Variants in PAG1 observed in about 807,000 individuals in gnomAD.
The protein encoded by PAG1 is phosphoprotein membrane anchor with glycosphingolipid microdomains 1.
PAG1 carries 23 observed loss-of-function variants against 31.7 expected under a neutral mutation model. That is an observed-to-expected ratio of 0.73 (90% CI 0.52 to 1.03). PAG1 has a LOEUF of 1.03. PAG1 is among the 50% of genes least tolerant of loss of function. The pLI is 0.00. For missense variants in PAG1, 473 were observed against 540.7 expected (o/e 0.87, Z 1.24); for synonymous variants, 214 against 210.3 (o/e 1.02, Z -0.15).
chr8:80,999,562 G>A (rs894463110), intron 3 of PAG1, among the ~76,000 whole-genome samples: 24 of 152,216 alleles, frequency 1.6e-4, no homozygotes, highest in Non-Finnish European at 1.3e-4. Context: ...GAGAGAGACC[G>A]GCACTCATCC....
intron 5 of PAG1, 116 bp downstream of exon 5, chr8:80,991,363 T>G (rs1321840298): frequency 1.3e-6 from 1 of 786,010 alleles, no homozygotes; most frequent in African/African-American, 1.7e-5. Context: ...TAACTTAGGC[T>G]TAGCTCTCCC....
At chr8:81,075,921 C>T (rs887764460) in intron 1 of PAG1, among the ~76,000 whole-genome samples, 1 of 152,116 alleles carries the variant, frequency 6.6e-6, no homozygotes, top group Non-Finnish European at 1.5e-5. Flanking sequence ...ATACAGAGAC[C>T]CTTGCTTAGA....
At position 80,985,018 on chromosome 8, in the gene PAG1, C is replaced by T. The variant is rs1176293608; in HGVS notation, c.634G>A (p.Glu212Lys). The T allele has an allele frequency of 6.2e-7, 1 of 1,614,176 alleles. No individual in the cohort carries two copies. The highest frequency in any genetic ancestry group is 1.7e-5 in the Admixed American group (1 of 60,018). Residue 212 changes from glutamate to lysine, a missense_variant, in exon 7 of 9, where the codon GAG (glutamate) becomes AAG (lysine). Physicochemically the swap from Glu to Lys is moderately conservative, Grantham distance 56. Coordinates refer to ENST00000220597, the MANE Select transcript of PAG1 (RefSeq NM_018440.4). ...GKAKSTSASK[E>K]LPGPQTEGKA... ...CCTTCAGTCTGGGGCCCTGGGAGCTCTTTCGAGGCAGAAGTAGATTTTGCC... is the reference window on the plus strand; with the variant it reads ...CCTTCAGTCTGGGGCCCTGGGAGCTTTTTCGAGGCAGAAGTAGATTTTGCC...
At chr8:81,035,026 C>A (rs1220939289) in intron 2 of PAG1, among the ~76,000 whole-genome samples, 1 of 152,054 alleles carries the variant, frequency 6.6e-6, no homozygotes, top group Non-Finnish European at 1.5e-5. Context: ...AGGAAATAAC[C>A]CTTATTTGGG....
At chr8:80,977,803 T>G (rs998675279) in intron 8 of PAG1, among the ~76,000 whole-genome samples, 2 of 152,232 alleles carry the variant, frequency 1.3e-5, no homozygotes, top group African/African-American at 4.8e-5. Flanking sequence ...ATTGTGAAGA[T>G]TAAATATACT....
intron 3 of PAG1, among the ~76,000 whole-genome samples, chr8:80,993,723 C>T (rs906320235): frequency 6.6e-6 from 1 of 151,992 alleles, no homozygotes; most frequent in Non-Finnish European, 1.5e-5. Context: ...GAACCACCCC[C>T]CTGCCCCCCA....
chr8:81,044,469 A>T (rs1201702457), intron 2 of PAG1, among the ~76,000 whole-genome samples: 2 of 152,334 alleles, frequency 1.3e-5, no homozygotes, highest in African/African-American at 4.8e-5. Flanking sequence ...AGGCTACCAG[A>T]TGCAGGAAGA....
chr8:80,986,029 T>C (rs914403111), intron 6 of PAG1, among the ~76,000 whole-genome samples: 2 of 152,184 alleles, frequency 1.3e-5, no homozygotes, highest in African/African-American at 2.4e-5. Context: ...AGTCGTCCCT[T>C]TGTCAACCGT....
chr8:81,020,202 C>G (rs867228930), intron 3 of PAG1, among the ~76,000 whole-genome samples: 1 of 152,134 alleles, frequency 6.6e-6, no homozygotes, highest in Middle Eastern at 3.2e-3. Context: ...TTTGCCTTGT[C>G]TCAGATGATA....
intron 1 of PAG1, among the ~76,000 whole-genome samples, chr8:81,074,599 C>A (rs1387158343): frequency 6.6e-6 from 1 of 152,118 alleles, no homozygotes; most frequent in East Asian, 1.9e-4. Context: ...GGTCCCAGAC[C>A]AGCAGTTTCT....
intron 1 of PAG1, among the ~76,000 whole-genome samples, chr8:81,105,124 C>T (rs77955213): frequency 0.011 from 1,722 of 152,246 alleles, 36 homozygotes; most frequent in African/African-American, 0.039. Context: ...CAGACTCCAT[C>T]AAGCCCGGCT....
At chr8:81,106,369 T>A (rs745343082) in intron 1 of PAG1, among the ~76,000 whole-genome samples, 10 of 146,666 alleles carry the variant, frequency 6.8e-5, no homozygotes, top group Non-Finnish European at 1.1e-4. Context: ...TAAAACTACT[T>A]CTTCTTCCGT....
intron 2 of PAG1, among the ~76,000 whole-genome samples, chr8:81,042,551 C>T (rs11997169): frequency 0.82 from 123,989 of 152,016 alleles, 51,131 homozygotes; most frequent in Non-Finnish European, 0.87. Flanking sequence ...CTGATTTGGA[C>T]GTCATTTTCT....
chr8:81,028,561 C>CT (rs1808324309), intron 3 of PAG1, among the ~76,000 whole-genome samples: 1 of 152,264 alleles, frequency 6.6e-6, no homozygotes, highest in African/African-American at 2.4e-5. Flanking sequence ...ATCTTAAAGA[C>CT]TTTTTTCATG....
intron 3 of PAG1, among the ~76,000 whole-genome samples, chr8:81,009,605 C>T (rs1308125307): frequency 3.9e-5 from 6 of 152,084 alleles, no homozygotes; most frequent in Non-Finnish European, 5.9e-5. Flanking sequence ...TGGTTTTCAA[C>T]CCTGGCTATC....
At chr8:81,050,084 T>C (rs1475232632) in intron 2 of PAG1, among the ~76,000 whole-genome samples, 1 of 152,200 alleles carries the variant, frequency 6.6e-6, no homozygotes, top group Non-Finnish European at 1.5e-5. Context: ...TGTAAATATT[T>C]TTCCTATAAA....
At position 80,969,035 on chromosome 8, in the gene PAG1, A is replaced by T. The variant is rs1353364110; in HGVS notation, c.*7509T>A. The T allele has an allele frequency of 6.6e-6, 1 of 152,224 alleles. No homozygotes were observed. Among genetic ancestry groups the T allele is most frequent in the African/African-American group, 2.4e-5 (1 of 41,452 alleles). The allele number at this position is 152,224 out of a possible 1,614,324, so 9.4% of individuals were successfully genotyped here. On this transcript the variant is annotated 3_prime_UTR_variant, in exon 9 of 9. Coordinates refer to ENST00000220597, the MANE Select transcript of PAG1 (RefSeq NM_018440.4). ...TAAAAAGTGTCAAGGTCGCAAGCAT[A>T]CTAGAATGCTCACAAATGTTTGCTG...
chr8:80,983,546 C>T (rs964292881), intron 7 of PAG1, among the ~76,000 whole-genome samples: 6 of 152,170 alleles, frequency 3.9e-5, no homozygotes, highest in African/African-American at 1.4e-4. Context: ...AAACCCTCAA[C>T]TCACTTAAAA....
intron 2 of PAG1, among the ~76,000 whole-genome samples, chr8:81,046,012 T>C (rs1212558971): frequency 6.6e-6 from 1 of 152,196 alleles, no homozygotes; most frequent in Non-Finnish European, 1.5e-5. Flanking sequence ...TTATCCTGAT[T>C]CTCTCCTCTT....
Sources: gnomAD v4.1 joint callset for allele counts (sites outside exome capture counted in the v4.1 genomes callset) on GRCh38, gnomAD v4.1.1 for gene constraint, MANE v1.5 for transcripts, NCBI Gene and HGNC (gene_info 2026-07-23, HGNC 2026-07-21) for gene names.